TMCC3: variants seen among roughly 807,000 people sequenced by gnomAD.
TMCC3 encodes the protein transmembrane and coiled-coil domain protein 3.
In TMCC3, 28 loss-of-function variants were observed where a neutral mutation model predicts 40.2. The observed-to-expected ratio is 0.70, with a 90% confidence interval of 0.52 to 0.95. The LOEUF is 0.95. TMCC3 is among the 40% of genes least tolerant of loss of function. The pLI is 0.00. For missense variants in TMCC3, 554 were observed against 615.2 expected, an observed-to-expected ratio of 0.90 and a Z score of 1.05; for synonymous variants, 255 against 248.5, an observed-to-expected ratio of 1.03 and a Z score of -0.25.
chr12:94,603,522 C>T (rs2068764841), intron 1 of TMCC3, among the ~76,000 whole-genome samples: 1 of 152,194 alleles, frequency 6.6e-6, no homozygotes, highest in Non-Finnish European at 1.5e-5. Context: ...ACAAATCTCA[C>T]GTGTGTAATA....
intron 1 of TMCC3, among the ~76,000 whole-genome samples, chr12:94,586,402 T>C (rs2068638500): frequency 6.6e-6 from 1 of 152,216 alleles, no homozygotes; most frequent in Non-Finnish European, 1.5e-5. Flanking sequence ...GCAACCATGA[T>C]CCTCACTTCA....
At chr12:94,650,055 T>C (rs2069046019) in intron 1 of TMCC3, among the ~76,000 whole-genome samples, 1 of 151,970 alleles carries the variant, frequency 6.6e-6, no homozygotes, top group Non-Finnish European at 1.5e-5. Context: ...GGGCGCTCCC[T>C]GGCGGGGAGG....
At position 94,650,446 on chromosome 12, in the gene TMCC3, G is replaced by A. The variant is rs1368124442; in HGVS notation, c.-16C>T. 7.8e-7 allele frequency: 1 copy of A among 1,281,576 alleles called. No homozygotes were observed. The allele number at this position is 1,281,576 out of a possible 1,614,324, so 79.4% of individuals were successfully genotyped here. A position where few individuals can be genotyped will look rare whatever the true frequency, so the allele number is the denominator to read the frequency against. On this transcript the variant is annotated 5_prime_UTR_variant, in exon 1 of 4. Transcript: ENST00000261226. Reference sequence around the variant, plus strand: ...TGCCCGGCATCTCCGCGCTCCGGCCGCGAACTTTCCCGTCTTCTGGGGCTG... The same window carrying A: ...TGCCCGGCATCTCCGCGCTCCGGCCACGAACTTTCCCGTCTTCTGGGGCTG...
intron 1 of TMCC3, among the ~76,000 whole-genome samples, chr12:94,601,549 G>C (rs1005925724): frequency 6.6e-6 from 1 of 151,368 alleles, no homozygotes; most frequent in Non-Finnish European, 1.5e-5. Flanking sequence ...AGAAGGCTGG[G>C]CGCAGTGACT....
chr12:94,649,207 A>C (rs141041308), intron 1 of TMCC3, among the ~76,000 whole-genome samples: 54 of 152,352 alleles, frequency 3.5e-4, no homozygotes, highest in Middle Eastern at 3.4e-3. Context: ...CGGGCAAATA[A>C]ACCAGAGACT....
chr12:94,581,248 TTTGTG>T (rs1443919124), intron 2 of TMCC3, among the ~76,000 whole-genome samples: 1 of 152,174 alleles, frequency 6.6e-6, no homozygotes, highest in Non-Finnish European at 1.5e-5. Context: ...GTGCCTCAAG[TTTGTG>T]TTAAGTATTT....
Position 94,576,688 on chromosome 12 carries a change from G to A in TMCC3, c.1131+1706C>T, listed in dbSNP as rs747266076. On this transcript the variant is annotated intron_variant, in intron 3 of 3. Coordinates refer to ENST00000261226, the MANE Select transcript of TMCC3 (RefSeq NM_020698.4). ...AGAGATAGAGGGGTCTCACTATGTTGCCCAGGCTGGTCTCAAACTCCTGGC... is the reference window on the plus strand; with the variant it reads ...AGAGATAGAGGGGTCTCACTATGTTACCCAGGCTGGTCTCAAACTCCTGGC... Among the ~76,000 whole-genome samples the A allele has an allele frequency of 6.0e-4, 91 of 152,118 alleles. 1 individual carries two copies. Among genetic ancestry groups the A allele is most frequent in the Non-Finnish European group, 9.3e-4 (63 of 68,016 alleles).
At chr12:94,592,014 C>T (rs1594275175) in intron 1 of TMCC3, among the ~76,000 whole-genome samples, 1 of 152,206 alleles carries the variant, frequency 6.6e-6, no homozygotes, top group Admixed American at 6.5e-5. Context: ...GACACCTACA[C>T]AGAATATTCA....
chr12:94,635,723 G>A (rs1228706057), intron 1 of TMCC3, among the ~76,000 whole-genome samples: 2 of 141,538 alleles, frequency 1.4e-5, no homozygotes, highest in Non-Finnish European at 3.0e-5. Context: ...TGGATGGAGT[G>A]CAGTGGCACG....
intron 2 of TMCC3, among the ~76,000 whole-genome samples, chr12:94,581,352 G>C (rs2138824769): frequency 6.6e-6 from 1 of 152,236 alleles, no homozygotes; most frequent in South Asian, 2.1e-4. Context: ...TTTTGCATGA[G>C]GGATGCATCA....
intron 1 of TMCC3, among the ~76,000 whole-genome samples, chr12:94,608,445 C>T (rs1301072514): frequency 6.6e-6 from 1 of 152,152 alleles, no homozygotes; most frequent in Non-Finnish European, 1.5e-5. Context: ...TCTCCCTTGC[C>T]TCCCACATAC....
intron 1 of TMCC3, among the ~76,000 whole-genome samples, chr12:94,619,175 AATGAACAGCATCTCCGTGCTATT>A (rs2068862694): frequency 6.6e-6 from 1 of 152,200 alleles, no homozygotes; most frequent in Non-Finnish European, 1.5e-5. Context: ...TGGTGTTTAA[AATGAACAGCATCTCCGTGCTATT>A]ATGATGCTTC....
At chr12:94,617,725 T>C (rs2068855265) in intron 1 of TMCC3, among the ~76,000 whole-genome samples, 1 of 152,240 alleles carries the variant, frequency 6.6e-6, no homozygotes, top group Non-Finnish European at 1.5e-5. Flanking sequence ...AATGCAAAGA[T>C]CTCAAAATTG....
chr12:94,640,390 C>T (rs2068983204), intron 1 of TMCC3, among the ~76,000 whole-genome samples: 1 of 152,108 alleles, frequency 6.6e-6, no homozygotes. Flanking sequence ...GGCCATGTTG[C>T]TCAGGCTGGT....
intron 1 of TMCC3, among the ~76,000 whole-genome samples, chr12:94,614,696 T>C (rs1002381255): frequency 1.3e-5 from 2 of 152,172 alleles, no homozygotes; most frequent in African/African-American, 4.8e-5. Flanking sequence ...TACGAGGCTA[T>C]TGCATGATAT....
At chr12:94,650,331 C>A in intron 1 of TMCC3, 22 bp downstream of exon 1, 1 of 1,258,546 alleles carries the variant, frequency 7.9e-7, no homozygotes, top group Non-Finnish European at 1.0e-6. Flanking sequence ...GCACCCGCCG[C>A]CCCCCAGCCC....
At chr12:94,627,511 C>A (rs2068910175) in intron 1 of TMCC3, among the ~76,000 whole-genome samples, 1 of 152,214 alleles carries the variant, frequency 6.6e-6, no homozygotes, top group East Asian at 1.9e-4. Flanking sequence ...GAACTGGCCT[C>A]CCCACCACCT....
intron 1 of TMCC3, among the ~76,000 whole-genome samples, chr12:94,597,164 T>TATATATATATATATATATATAA (rs1488070684): frequency 1.1e-5 from 1 of 90,462 alleles, no homozygotes; most frequent in Non-Finnish European, 2.3e-5. Flanking sequence ...TATATGTATA[T>TATATATATATATATATATATAA]AAATTAGCCA....
At chr12:94,595,266 C>T (rs2068708720) in intron 1 of TMCC3, among the ~76,000 whole-genome samples, 1 of 152,236 alleles carries the variant, frequency 6.6e-6, no homozygotes, top group South Asian at 2.1e-4. Flanking sequence ...TATTAAGAGG[C>T]TAGGTATGTC....
Sources: gnomAD v4.1 joint callset for allele counts (sites outside exome capture counted in the v4.1 genomes callset) on GRCh38, gnomAD v4.1.1 for gene constraint, MANE v1.5 for transcripts, NCBI Gene and HGNC (gene_info 2026-07-23, HGNC 2026-07-21) for gene names.